Variants in MSH3 observed in about 807,000 individuals in gnomAD.
The protein encoded by MSH3 is mutS homolog 3, also known as DNA mismatch repair protein Msh3.
Under a neutral mutation model 123.3 loss-of-function variants are expected in MSH3, and 106 were observed. The observed-to-expected ratio is 0.86, with a 90% confidence interval of 0.73 to 1.01. The LOEUF (loss-of-function observed/expected upper bound fraction) is 1.01. Among genes scored for constraint, MSH3 ranks in the 50% least tolerant of loss-of-function variants. The pLI is 0.00. For synonymous variants in MSH3, 515 were observed against 481.4 expected (o/e 1.07, Z -0.91); for missense variants, 1,459 against 1,347.6 (o/e 1.08, Z -1.29).
Position 80,665,000 on chromosome 5 carries a change from C to CT in MSH3, c.359-136dup, listed in dbSNP as rs750280535. ...TTTACCCTGAACCCAGTGTTTCTTT[C>CT]TTTTTTTAAAAAAATCACATTATAG... On this transcript the variant is annotated intron_variant, in intron 2 of 23. Coordinates refer to ENST00000265081, the MANE Select transcript of MSH3 (RefSeq NM_002439.5). 272 of 659,584 alleles carry CT rather than the reference C, an allele frequency of 4.1e-4. 2 individuals are homozygous for CT. Among genetic ancestry groups the CT allele is most frequent in the South Asian group, 9.8e-4 (49 of 50,194 alleles). 40.9% of individuals were successfully genotyped at this position (659,584 alleles called of 1,614,324 possible).
At chr5:80,866,743 GTT>G (rs1413183615) in intron 22 of MSH3, among the ~76,000 whole-genome samples, 1 of 152,030 alleles carries the variant, frequency 6.6e-6, no homozygotes, top group Non-Finnish European at 1.5e-5. Flanking sequence ...CATACTTGTT[GTT>G]TTCATTATTA....
chr5:80,844,446 G>T (rs1282422544), intron 20 of MSH3, among the ~76,000 whole-genome samples: 1 of 152,084 alleles, frequency 6.6e-6, no homozygotes, highest in Non-Finnish European at 1.5e-5. Flanking sequence ...TCAGGTCCTG[G>T]ATATCCTTGT....
At chr5:80,843,205 C>T (rs1368534826) in intron 20 of MSH3, among the ~76,000 whole-genome samples, 3 of 152,074 alleles carry the variant, frequency 2.0e-5, no homozygotes, top group Non-Finnish European at 4.4e-5. Context: ...TCGGATTACA[C>T]TTACTGATTT....
intron 20 of MSH3, among the ~76,000 whole-genome samples, chr5:80,834,133 A>G (rs245383): frequency 0.86 from 130,671 of 151,714 alleles, 56,346 homozygotes; most frequent in East Asian, 1. Flanking sequence ...CATTGGTACT[A>G]CATCCGTACC....
chr5:80,750,086 T>A (rs914709607), intron 12 of MSH3, among the ~76,000 whole-genome samples: 1 of 150,660 alleles, frequency 6.6e-6, no homozygotes, highest in Non-Finnish European at 1.5e-5. Flanking sequence ...AGAGTGTGTG[T>A]GTGTGTGTGT....
At chr5:80,757,856 AAAAC>A (rs1412376634) in intron 12 of MSH3, among the ~76,000 whole-genome samples, 1 of 152,186 alleles carries the variant, frequency 6.6e-6, no homozygotes, top group East Asian at 1.9e-4. Flanking sequence ...TGCACATTAA[AAAAC>A]AATTCTAAGG....
At chr5:80,829,483 G>A (rs1159930491) in intron 20 of MSH3, among the ~76,000 whole-genome samples, 3 of 152,162 alleles carry the variant, frequency 2.0e-5, no homozygotes, top group African/African-American at 7.2e-5. Context: ...CTATGCGTCT[G>A]TTGATATGAT....
At chr5:80,742,370 G>A (rs983859321) in intron 11 of MSH3, among the ~76,000 whole-genome samples, 6 of 152,166 alleles carry the variant, frequency 3.9e-5, no homozygotes, top group African/African-American at 1.4e-4. Context: ...AGATAACGGG[G>A]AGATTAAACT....
chr5:80,803,691 A>G (rs1001001405), intron 19 of MSH3, among the ~76,000 whole-genome samples: 6 of 151,982 alleles, frequency 3.9e-5, no homozygotes, highest in African/African-American at 1.5e-4. Context: ...GTTTTCTTCT[A>G]GTAGTTTCAT....
chr5:80,824,116 A>C (rs1423027839), intron 20 of MSH3, among the ~76,000 whole-genome samples: 1 of 152,166 alleles, frequency 6.6e-6, no homozygotes, highest in Non-Finnish European at 1.5e-5. Flanking sequence ...ACACAGCAAC[A>C]ATCTGATTTC....
intron 8 of MSH3, 44 bp from the exon 9 acceptor site, chr5:80,725,409 G>C: frequency 1.5e-6 from 2 of 1,347,884 alleles, no homozygotes; most frequent in Non-Finnish European, 2.1e-6. Context: ...AGCATTTCAT[G>C]ATAATGGATA....
At chr5:80,782,322 G>A (rs1012235081) in intron 17 of MSH3, among the ~76,000 whole-genome samples, 10 of 150,886 alleles carry the variant, frequency 6.6e-5, no homozygotes, top group African/African-American at 2.4e-4. Flanking sequence ...GAATGAAAAG[G>A]ATGGTAGCAT....
chr5:80,720,614 A>G (rs1419322730), intron 8 of MSH3, among the ~76,000 whole-genome samples: 1 of 151,950 alleles, frequency 6.6e-6, no homozygotes, highest in Admixed American at 6.6e-5. Context: ...TCTAAATCCA[A>G]TTTGTTTTCT....
chr5:80,779,490 G>A (rs1744370478), intron 17 of MSH3, among the ~76,000 whole-genome samples: 1 of 151,320 alleles, frequency 6.6e-6, no homozygotes, highest in Non-Finnish European at 1.5e-5. Context: ...TAAAAATAAG[G>A]ACATTCTACT....
chr5:80,859,112 T>A (rs1442090927), intron 21 of MSH3, among the ~76,000 whole-genome samples: 2 of 152,006 alleles, frequency 1.3e-5, no homozygotes, highest in Non-Finnish European at 2.9e-5. Flanking sequence ...ACATGATGTA[T>A]CTTCCTCCAT....
At chr5:80,733,701 A>G (rs1413202961) in intron 10 of MSH3, among the ~76,000 whole-genome samples, 1 of 152,122 alleles carries the variant, frequency 6.6e-6, no homozygotes, top group Non-Finnish European at 1.5e-5. Context: ...TATGCAAACA[A>G]CCAAGAAGCA....
chr5:80,717,194 T>TA (rs1200022275), intron 8 of MSH3, among the ~76,000 whole-genome samples: 1 of 152,230 alleles, frequency 6.6e-6, no homozygotes, highest in African/African-American at 2.4e-5. Context: ...CTTTTTGACA[T>TA]ACTGAGTTTG....
At chr5:80,661,452 A>G (rs1379714778) in intron 2 of MSH3, among the ~76,000 whole-genome samples, 2 of 152,038 alleles carry the variant, frequency 1.3e-5, no homozygotes, top group African/African-American at 4.8e-5. Flanking sequence ...GTTTAATAAA[A>G]TGTTCGTTTT....
chr5:80,785,352 A>G (rs1326192265), intron 17 of MSH3, among the ~76,000 whole-genome samples: 1 of 152,204 alleles, frequency 6.6e-6, no homozygotes, highest in Non-Finnish European at 1.5e-5. Flanking sequence ...GGCCACATGA[A>G]AAAATGCTCA....
Sources: allele counts gnomAD v4.1 joint callset (sites outside exome capture counted in the v4.1 genomes callset), GRCh38; gene constraint gnomAD v4.1.1; transcripts MANE v1.5; gene names NCBI Gene and HGNC (gene_info 2026-07-23, HGNC 2026-07-21).